The following FABP7 variants were observed in gnomAD, a reference collection of about 807,000 sequenced individuals.
FABP7 encodes fatty acid binding protein 7, also known as fatty acid-binding protein, brain.
In FABP7, 13 loss-of-function variants were observed where a neutral mutation model predicts 14.2. The ratio of observed to expected loss-of-function variants is 0.91; its 90% CI spans 0.59 to 1.45. The LOEUF (loss-of-function observed/expected upper bound fraction) is 1.45, where lower values mean the gene tolerates loss of function less well. FABP7 is among the 40% of genes most tolerant of loss of function. FABP7 has a pLI of 0.00. For synonymous variants in FABP7, 49 were observed against 51.4 expected, an observed-to-expected ratio of 0.95 and a Z score of 0.20; for missense variants, 149 against 157.6, an observed-to-expected ratio of 0.95 and a Z score of 0.29.
chr6:122,760,963 G>T, the FABP7 span, among the ~76,000 whole-genome samples: 7 of 152,082 alleles, frequency 4.6e-5, no homozygotes, highest in Non-Finnish European at 7.4e-5. Flanking sequence ...TAAAATTCAT[G>T]TCAAAGCAAG....
At chr6:122,752,466 T>C in the FABP7 span, among the ~76,000 whole-genome samples, 1 of 152,240 alleles carries the variant, frequency 6.6e-6, no homozygotes, top group African/African-American at 2.4e-5. Context: ...ACATTTTATA[T>C]ATAGGGGATT....
In FABP7 at chr6:122,783,961, T is replaced by A. The variant is rs1780857962; in HGVS notation, c.*194T>A. ...TAATCTGAAAATTTATCATGTTTTA[T>A]AATTTGAATTAAAGTTTTGTCCCCC... On this transcript the variant is annotated 3_prime_UTR_variant, in exon 4 of 4. Coordinates refer to ENST00000368444, the MANE Select transcript of FABP7 (RefSeq NM_001446.5). 1 of 423,006 alleles carries A rather than the reference T, an allele frequency of 2.4e-6. No individual in the cohort carries two copies. The highest frequency in any genetic ancestry group is 4.1e-6 in the Non-Finnish European group (1 of 244,764). 26.2% of individuals were successfully genotyped at this position (423,006 alleles called of 1,614,324 possible).
At chr6:122,769,190 G>A in the FABP7 span, among the ~76,000 whole-genome samples, 1 of 152,046 alleles carries the variant, frequency 6.6e-6, no homozygotes, top group Non-Finnish European at 1.5e-5. Flanking sequence ...TCACCTCAGG[G>A]TTTTAAAGAT....
Position 122,781,101 on chromosome 6 carries a change from T to C in FABP7, c.255T>C (p.Val85=). The C allele has an allele frequency of 1.2e-6, 2 of 1,612,882 alleles. No individual in the cohort carries two copies. Among genetic ancestry groups the C allele is most frequent in the Non-Finnish European group, 1.7e-6 (2 of 1,179,058 alleles). Residue 85 remains valine, a synonymous_variant, in exon 3 of 4, where the codon GTT becomes GTC. Transcript: ENST00000368444. Reference sequence around the variant, plus strand: ...TTTGTTGTTGGTCTCAGTCTGTTGTTAGCCTGGATGGAGACAAACTTGTTC... The same window carrying C: ...TTTGTTGTTGGTCTCAGTCTGTTGTCAGCCTGGATGGAGACAAACTTGTTC... The part of the protein sequence containing the change: ...TADDRNCKSV[V]SLDGDKLVHI...
the FABP7 span, among the ~76,000 whole-genome samples, chr6:122,762,173 A>G: frequency 3.3e-5 from 5 of 152,234 alleles, no homozygotes; most frequent in African/African-American, 1.2e-4. Context: ...CCAGCAGCAC[A>G]TCAAAAAGCG....
the FABP7 span, among the ~76,000 whole-genome samples, chr6:122,759,604 A>G: frequency 1.3e-5 from 2 of 152,172 alleles, no homozygotes; most frequent in Non-Finnish European, 2.9e-5. Context: ...CCTTACAACT[A>G]CTGTTTAACT....
chr6:122,768,127 A>G, the FABP7 span, among the ~76,000 whole-genome samples: 1 of 152,118 alleles, frequency 6.6e-6, no homozygotes, highest in Admixed American at 6.6e-5. Flanking sequence ...TGTTCACTTC[A>G]TTCATGATTA....
chr6:122,756,018 C>T, the FABP7 span, among the ~76,000 whole-genome samples: 14 of 152,296 alleles, frequency 9.2e-5, no homozygotes, highest in East Asian at 2.1e-3. Context: ...AGTCAACACA[C>T]TTGTGGGTAA....
the FABP7 span, among the ~76,000 whole-genome samples, chr6:122,751,266 A>C: frequency 6.6e-6 from 1 of 152,214 alleles, no homozygotes; most frequent in Admixed American, 6.5e-5. Flanking sequence ...TGTGAGAATT[A>C]AGTGTGTTAA....
chr6:122,769,678 G>A, the FABP7 span, among the ~76,000 whole-genome samples: 1 of 151,996 alleles, frequency 6.6e-6, no homozygotes, highest in African/African-American at 2.4e-5. Flanking sequence ...AGGCCGAGTA[G>A]AAAACTTACG....
the FABP7 span, among the ~76,000 whole-genome samples, chr6:122,773,172 T>C: frequency 2.0e-5 from 3 of 152,344 alleles, no homozygotes; most frequent in East Asian, 1.9e-4. Flanking sequence ...AGAATTTCTA[T>C]ATATCTCCAG....
the FABP7 span, among the ~76,000 whole-genome samples, chr6:122,769,879 A>T: frequency 6.6e-6 from 1 of 152,140 alleles, no homozygotes; most frequent in South Asian, 2.1e-4. Context: ...ATAATGCCGC[A>T]ATTTTATTTT....
At chr6:122,764,665 G>A in the FABP7 span, among the ~76,000 whole-genome samples, 3 of 152,082 alleles carry the variant, frequency 2.0e-5, no homozygotes, top group Middle Eastern at 3.2e-3. Flanking sequence ...AAGTCAAAAC[G>A]ATGGCAATTT....
chr6:122,762,627 T>A, the FABP7 span, among the ~76,000 whole-genome samples: 1 of 152,328 alleles, frequency 6.6e-6, no homozygotes, highest in Admixed American at 6.5e-5. Context: ...GACATGATTG[T>A]ATATTTAGAA....
At chr6:122,749,537 G>A in the FABP7 span, among the ~76,000 whole-genome samples, 8 of 152,090 alleles carry the variant, frequency 5.3e-5, no homozygotes, top group African/African-American at 1.2e-4. Context: ...ATGGAATAAC[G>A]TGACTTATAA....
chr6:122,753,795 GC>G, the FABP7 span, among the ~76,000 whole-genome samples: 6 of 37,714 alleles, frequency 1.6e-4, no homozygotes, highest in African/African-American at 5.7e-4. Flanking sequence ...CCCCCCCCCC[GC>G]CCACAGAAGT....
upstream of FABP7, among the ~76,000 whole-genome samples, chr6:122,778,072 A>G (rs1582517109): frequency 6.6e-6 from 1 of 152,098 alleles, no homozygotes; most frequent in Admixed American, 6.6e-5. Flanking sequence ...CCTAAAATGT[A>G]TAAAACCAAA....
At chr6:122,767,687 G>A in the FABP7 span, among the ~76,000 whole-genome samples, 125 of 151,390 alleles carry the variant, frequency 8.3e-4, 2 homozygotes, top group East Asian at 0.022. Flanking sequence ...GAGGTGGGGG[G>A]ATAGCTTGAG....
chr6:122,771,151 G>T, the FABP7 span, among the ~76,000 whole-genome samples: 1 of 152,168 alleles, frequency 6.6e-6, no homozygotes, highest in African/African-American at 2.4e-5. Context: ...GGCAAAGCAG[G>T]TTCCTGATTC....
Sources: allele counts gnomAD v4.1 joint callset (sites outside exome capture counted in the v4.1 genomes callset), GRCh38; gene constraint gnomAD v4.1.1; transcripts MANE v1.5; gene names NCBI Gene and HGNC (gene_info 2026-07-23, HGNC 2026-07-21).